DOCK5: variants seen among roughly 807,000 people sequenced by gnomAD.
The protein encoded by DOCK5 is dedicator of cytokinesis protein 5.
A neutral mutation model predicts 251.8 loss-of-function variants in DOCK5; 142 were observed. That is an observed-to-expected ratio of 0.56 (90% CI 0.49 to 0.65). The LOEUF (loss-of-function observed/expected upper bound fraction) is 0.65, where lower values mean the gene tolerates loss of function less well. DOCK5 is among the 30% of genes least tolerant of loss of function. The pLI is 0.00. For synonymous variants in DOCK5, 842 were observed against 835.5 expected (o/e 1.01, Z -0.13); for missense variants, 2,111 against 2,312.3 (o/e 0.91, Z 1.79).
At chr8:25,289,919 C>G (rs1804445011) in intron 5 of DOCK5, among the ~76,000 whole-genome samples, 1 of 152,100 alleles carries the variant, frequency 6.6e-6, no homozygotes, top group Non-Finnish European at 1.5e-5. Context: ...ATTTAACTAA[C>G]ATTTCAAAAG....
intron 2 of DOCK5, among the ~76,000 whole-genome samples, chr8:25,244,051 C>T (rs868667897): frequency 2.0e-4 from 31 of 152,154 alleles, no homozygotes; most frequent in African/African-American, 7.0e-4. Flanking sequence ...AGAGCTGGCT[C>T]GCGAGGAGAC....
At chr8:25,228,890 A>G (rs1475538321) in intron 1 of DOCK5, among the ~76,000 whole-genome samples, 5 of 152,238 alleles carry the variant, frequency 3.3e-5, no homozygotes, top group Admixed American at 6.5e-5. Flanking sequence ...CTACAGGAAC[A>G]TGATGTGTAT....
chr8:25,296,545 A>G lies in DOCK5; in HGVS notation c.503A>G (p.Asp168Gly), dbSNP rs1202096139. Reference sequence around the variant, plus strand: ...GGGTTAGATCTGGTGGTGCGAGATGACAATGGGAACATCCTAGACCCTGAC... The same window carrying G: ...GGGTTAGATCTGGTGGTGCGAGATGGCAATGGGAACATCCTAGACCCTGAC... ...MLGLDLVVRD[D>G]NGNILDPDET... Residue 168 changes from aspartate (D) to glycine (G), a missense_variant, in exon 7 of 52, where the codon GAC becomes GGC. By Grantham distance (94) the Asp-to-Gly change is moderately conservative (BLOSUM62 -1). This residue lies in a region of DOCK5 where 335 missense variants were observed against 324.9 expected (regional missense o/e 1.03). Coordinates refer to ENST00000276440, the MANE Select transcript of DOCK5 (RefSeq NM_024940.8). 6.2e-7 allele frequency: 1 copy of G among 1,611,560 alleles called. No homozygotes were observed. The highest frequency in any genetic ancestry group is 1.3e-5 in the African/African-American group (1 of 74,988).
At chr8:25,247,907 T>C (rs978583828) in intron 2 of DOCK5, among the ~76,000 whole-genome samples, 3 of 152,190 alleles carry the variant, frequency 2.0e-5, no homozygotes, top group Non-Finnish European at 2.9e-5. Context: ...CCGGATGCTG[T>C]AGTCCTGCCC....
chr8:25,384,896 G>A (rs1801136954), intron 40 of DOCK5, among the ~76,000 whole-genome samples: 2 of 152,130 alleles, frequency 1.3e-5, no homozygotes, highest in Admixed American at 1.3e-4. Flanking sequence ...TGGTGCCACT[G>A]CACTCCAGCC....
At chr8:25,400,831 C>A in intron 46 of DOCK5, 98 bp from the exon 47 acceptor site, 1 of 1,359,732 alleles carries the variant, frequency 7.4e-7, no homozygotes, top group Non-Finnish European at 1.0e-6. Context: ...CTATGTCTAG[C>A]AGTTTACCTT....
In DOCK5 at chr8:25,184,950, T is replaced by C; in HGVS notation, c.42T>C (p.Val14=). The change falls in exon 1 of 52, where the codon GTT becomes GTC. Residue 14 remains valine, a splice_region_variant and synonymous_variant. Transcript: ENST00000276440. ...WIPTKRQKYG[V]AIYNYNASQD... ...CGACCAAGAGGCAGAAGTACGGGGT[T>C]GGTGAGTGCGCGCCCCACCTTGTCC... 1 of 1,433,630 alleles carries C rather than the reference T, an allele frequency of 7.0e-7. No homozygotes were observed. The highest frequency in any genetic ancestry group is 1.5e-5 in the South Asian group (1 of 65,930). 88.8% of individuals were successfully genotyped at this position (1,433,630 alleles called of 1,614,324 possible).
At chr8:25,285,163 G>C (rs1208064048) in intron 5 of DOCK5, among the ~76,000 whole-genome samples, 1 of 149,662 alleles carries the variant, frequency 6.7e-6, no homozygotes, top group Non-Finnish European at 1.5e-5. Flanking sequence ...TTTTTTTTTT[G>C]AGATGTAGTT....
chr8:25,232,677 G>A (rs1802701407), intron 1 of DOCK5, among the ~76,000 whole-genome samples: 1 of 152,098 alleles, frequency 6.6e-6, no homozygotes, highest in Non-Finnish European at 1.5e-5. Flanking sequence ...ATTCATGAGA[G>A]CTCCACCCTC....
intron 50 of DOCK5, chr8:25,409,319 A>T: frequency 4.3e-6 from 1 of 230,286 alleles, no homozygotes; most frequent in Non-Finnish European, 8.8e-6. Flanking sequence ...GGGAACCAGC[A>T]GTGCACAACA....
rs745470148 is a variant in DOCK5, at chr8:25,299,095, T to C, written c.758T>C (p.Phe253Ser). The C allele has an allele frequency of 6.2e-7, 1 of 1,613,480 alleles. No homozygotes were observed. The highest frequency in any genetic ancestry group is 8.5e-7 in the Non-Finnish European group (1 of 1,179,670). The part of the protein sequence containing the change: ...MALYDPDQST[F>S]ISENYLIRWG... ...CTCTACGACCCAGACCAGTCCACTT[T>C]TATCAGGTAGCAGAGACCCACATCC... The change falls in exon 8 of 52, where the codon TTT becomes TCT. Residue 253 changes from phenylalanine (F) to serine (S), a missense_variant. Phe to Ser is a radical substitution (Grantham distance 155, BLOSUM62 -2). Around this residue, in one of 3 missense-constraint regions of DOCK5, gnomAD observed 335 missense variants for 324.9 expected, o/e 1.03. Coordinates refer to ENST00000276440, the MANE Select transcript of DOCK5 (RefSeq NM_024940.8).
intron 42 of DOCK5, 65 bp downstream of exon 42, chr8:25,390,352 A>T: frequency 7.2e-7 from 1 of 1,387,170 alleles, no homozygotes; most frequent in Non-Finnish European, 9.7e-7. Context: ...CACATCTATA[A>T]TCTCAACATT....
In DOCK5 at chr8:25,390,205, G is replaced by A; in HGVS notation, c.4274-1G>A. 6.3e-7 allele frequency: 1 copy of A among 1,583,618 alleles called. No individual in the cohort carries two copies. The highest frequency in any genetic ancestry group is 8.6e-7 in the Non-Finnish European group (1 of 1,164,234). On this transcript the variant is annotated splice_acceptor_variant, in intron 41 of 51. Transcript: ENST00000276440. LOFTEE classifies it high-confidence loss of function. ...TCTCCTTTCCTTAACGAGCTCTTCAGACATGCAGTGCTTCACTGTAAAGCC... is the reference window on the plus strand; with the variant it reads ...TCTCCTTTCCTTAACGAGCTCTTCAAACATGCAGTGCTTCACTGTAAAGCC...
intron 1 of DOCK5, among the ~76,000 whole-genome samples, chr8:25,230,803 A>G (rs1457138321): frequency 6.6e-6 from 1 of 152,162 alleles, no homozygotes; most frequent in Non-Finnish European, 1.5e-5. Context: ...GTGAGCCAAG[A>G]TGGTGCCACT....
intron 26 of DOCK5, among the ~76,000 whole-genome samples, chr8:25,349,543 A>G (rs1800430129): frequency 6.6e-6 from 1 of 152,236 alleles, no homozygotes; most frequent in African/African-American, 2.4e-5. Flanking sequence ...CAATGAGTGG[A>G]TAAAGTGTGG....
chr8:25,300,960 G>A (rs2117166334), intron 9 of DOCK5, among the ~76,000 whole-genome samples: 1 of 152,308 alleles, frequency 6.6e-6, no homozygotes, highest in African/African-American at 2.4e-5. Flanking sequence ...AGGACTTTGG[G>A]AGGCCAAGGT....
At chr8:25,369,666 G>A in intron 34 of DOCK5, 25 bp downstream of exon 34, 2 of 1,574,080 alleles carry the variant, frequency 1.3e-6, no homozygotes, top group Non-Finnish European at 1.7e-6. Flanking sequence ...AACGAAACCT[G>A]AAGTCAGTGG....
chr8:25,382,744 G>A lies in DOCK5; in HGVS notation c.4097G>A (p.Gly1366Glu). 1 of 1,613,758 alleles carries A rather than the reference G, an allele frequency of 6.2e-7. No individual in the cohort carries two copies. Among genetic ancestry groups the A allele is most frequent in the Non-Finnish European group, 8.5e-7 (1 of 1,179,804 alleles). The change falls in exon 40 of 52, where the codon GGA becomes GAA. Residue 1366 changes from glycine to glutamate, a missense_variant. Physicochemically the swap from Gly to Glu is moderately conservative, Grantham distance 98. This residue lies in a region of DOCK5 where 1,717 missense variants were observed against 1,892.4 expected (regional missense o/e 0.91). Transcript: ENST00000276440. ...CCTCAGCCTGAATACTTTGCTGTTG[G>A]ATACTATGGACAGGGCTTTCCTTCT... is the stretch of plus-strand genomic sequence containing the variant. ...MRPQPEYFAV[G>E]YYGQGFPSFL...
chr8:25,280,584 T>C (rs139034052), intron 5 of DOCK5, among the ~76,000 whole-genome samples: 3 of 152,346 alleles, frequency 2.0e-5, no homozygotes, highest in Admixed American at 2.0e-4. Flanking sequence ...CTTCATATTG[T>C]ATTTTCTAAA....
Sources: gnomAD v4.1 joint callset for allele counts (sites outside exome capture counted in the v4.1 genomes callset) on GRCh38, gnomAD v4.1.1 for gene constraint, gnomAD v4.1.1 regional missense constraint, MANE v1.5 for transcripts, NCBI Gene and HGNC (gene_info 2026-07-23, HGNC 2026-07-21) for gene names.